EXD2: variants seen among roughly 807,000 people sequenced by gnomAD.
The protein encoded by EXD2 is exonuclease 3'-5' domain-containing protein 2.
A neutral mutation model predicts 62.5 loss-of-function variants in EXD2; 40 were observed. That is an observed-to-expected ratio of 0.64 (90% CI 0.50 to 0.83). The LOEUF is 0.83. Among genes scored for constraint, EXD2 ranks in the 40% least tolerant of loss-of-function variants. The probability of loss-of-function intolerance (pLI) is 0.00; values close to 1 mark genes in which losing one functional copy is unlikely to be tolerated. For synonymous variants in EXD2, 239 were observed against 291.9 expected (o/e 0.82, Z 1.85); for missense variants, 671 against 761.8 (o/e 0.88, Z 1.40).
chr14:69,218,119 T>C (rs1376512374), intron 3 of EXD2, among the ~76,000 whole-genome samples: 9 of 152,224 alleles, frequency 5.9e-5, no homozygotes, highest in African/African-American at 1.9e-4. Flanking sequence ...CACTGTCTTC[T>C]ACAATGGTTG....
Position 69,228,917 on chromosome 14 carries a change from A to C in EXD2, c.435A>C (p.Gly145=). 1 of 1,614,138 alleles carries C rather than the reference A, an allele frequency of 6.2e-7. No individual in the cohort carries two copies. Among genetic ancestry groups the C allele is most frequent in the African/African-American group, 1.3e-5 (1 of 75,024 alleles). ...LVRLPKLICG[G]KTLPRTLLDI... ...GCCTGCCCAAGCTAATCTGTGGAGG[A>C]AAAACACTACCAAGAACGTTATTGG... Residue 145 remains glycine, a synonymous_variant, in exon 4 of 10, where the codon GGA becomes GGC. Coordinates refer to ENST00000685843, the MANE Select transcript of EXD2 (RefSeq NM_001193360.2).
intron 3 of EXD2, among the ~76,000 whole-genome samples, chr14:69,218,606 C>G (rs1594756398): frequency 6.6e-6 from 1 of 152,254 alleles, no homozygotes. Context: ...CTTGCCCATG[C>G]CTATGTCCTG....
At chr14:69,209,307 C>A in intron 2 of EXD2, 117 bp from the exon 3 acceptor site, 5 of 480,938 alleles carry the variant, frequency 1.0e-5, no homozygotes, top group South Asian at 9.7e-5. Flanking sequence ...AAATTTATAG[C>A]AGTTGTTTTA....
intron 9 of EXD2, among the ~76,000 whole-genome samples, 192 bp downstream of exon 9, chr14:69,238,123 T>G (rs1177368828): frequency 2.6e-5 from 4 of 152,216 alleles, no homozygotes; most frequent in African/African-American, 9.6e-5. Context: ...TTCCTTTCCA[T>G]AGGAAACTTG....
At chr14:69,199,598 A>C (rs1302087896) in intron 1 of EXD2, among the ~76,000 whole-genome samples, 5 of 145,898 alleles carry the variant, frequency 3.4e-5, no homozygotes, top group African/African-American at 5.0e-5. Flanking sequence ...TTCAACTTAA[A>C]ATTTTTTTTT....
chr14:69,198,088 T>G (rs2042267568), intron 1 of EXD2, among the ~76,000 whole-genome samples: 1 of 152,262 alleles, frequency 6.6e-6, no homozygotes, highest in African/African-American at 2.4e-5. Context: ...TTGAATTCTT[T>G]CCTAGACTTG....
intron 1 of EXD2, among the ~76,000 whole-genome samples, chr14:69,194,169 C>T (rs575938037): frequency 6.0e-5 from 9 of 149,256 alleles, no homozygotes; most frequent in South Asian, 4.2e-4. Flanking sequence ...GTCAGAGTCT[C>T]GCTGTGTCGC....
Position 69,229,019 on chromosome 14 carries a change from T to C in EXD2, c.537T>C (p.Tyr179=). 1.2e-6 allele frequency: 2 copies of C among 1,614,252 alleles called. No individual in the cohort carries two copies. The highest frequency in any genetic ancestry group is 1.7e-6 in the Non-Finnish European group (2 of 1,180,046). Residue 179 remains tyrosine, a synonymous_variant, in exon 4 of 10, where the codon TAT becomes TAC. Coordinates refer to ENST00000685843, the MANE Select transcript of EXD2 (RefSeq NM_001193360.2). ...ATGCCAGCAAGCTTCTGCAGGATTA[T>C]GGCCTCGTTGTTAGGGGGTGCCTGG... is the stretch of plus-strand genomic sequence containing the variant. The part of the protein sequence containing the change: ...SEDASKLLQD[Y]GLVVRGCLDL...
chr14:69,231,501 C>G lies in EXD2; in HGVS notation c.717+903C>G, dbSNP rs541796140. ...TATACAGTATTTATATTATTTATAG[C>G]TGAGTCACATAGTAAACTGCAGTTA... is the stretch of plus-strand genomic sequence containing the variant. On this transcript the variant is annotated intron_variant, in intron 5 of 9. Transcript: ENST00000685843. Among the ~76,000 whole-genome samples the G allele has an allele frequency of 5.5e-4, 84 of 152,246 alleles. 1 individual carries two copies. In the South Asian group the frequency reaches 0.017, roughly 32 times the overall value.
chr14:69,224,737 T>C (rs556620826), intron 3 of EXD2, among the ~76,000 whole-genome samples: 39 of 152,210 alleles, frequency 2.6e-4, no homozygotes, highest in African/African-American at 9.1e-4. Flanking sequence ...TCCAAGCATG[T>C]TGGGAGGCCG....
chr14:69,235,750 G>T, intron 6 of EXD2: 1 of 388,782 alleles, frequency 2.6e-6, no homozygotes, highest in Non-Finnish European at 4.7e-6. Flanking sequence ...TTGTTGCTTG[G>T]TTCTTTTTTG....
intron 3 of EXD2, chr14:69,224,224 ACTC>A (rs1163866448): frequency 1.3e-5 from 2 of 152,342 alleles, no homozygotes; most frequent in African/African-American, 4.8e-5. Context: ...CTGGTATCAA[ACTC>A]CTGGACTTAA....
At chr14:69,240,861 C>T in intron 9 of EXD2, 23 bp from the exon 10 acceptor site, 1 of 1,606,468 alleles carries the variant, frequency 6.2e-7, no homozygotes, top group South Asian at 1.1e-5. Context: ...CCCTCAGACA[C>T]TTTGTTTTTC....
chr14:69,239,123 T>TA (rs748291337), intron 9 of EXD2: 13 of 152,272 alleles, frequency 8.5e-5, no homozygotes, highest in Non-Finnish European at 1.3e-4. Flanking sequence ...GAATTGCTGT[T>TA]ACTATGTAAA....
At chr14:69,213,918 CTTACA>C (rs1025301896) in intron 3 of EXD2, 5 of 196 alleles carry the variant, frequency 0.026, no homozygotes, top group African/African-American at 0.18. Context: ...TTTTTCTTTG[CTTACA>C]TTTTTCTTAT....
At chr14:69,237,212 C>T (rs2043824781) in intron 8 of EXD2, among the ~76,000 whole-genome samples, 1 of 152,198 alleles carries the variant, frequency 6.6e-6, no homozygotes, top group Non-Finnish European at 1.5e-5. Context: ...CCTAGGCCTT[C>T]TTGAGAGAGT....
intron 9 of EXD2, among the ~76,000 whole-genome samples, chr14:69,238,786 C>T (rs1281695623): frequency 6.6e-6 from 1 of 152,002 alleles, no homozygotes; most frequent in Non-Finnish European, 1.5e-5. Flanking sequence ...AAGCATGCAC[C>T]ACCACACCCA....
In EXD2 at chr14:69,242,389, G is replaced by C. The variant is rs886582871; in HGVS notation, c.*1289G>C. 1.1e-5 allele frequency: 2 copies of C among 185,980 alleles called. No homozygotes were observed. The highest frequency in any genetic ancestry group is 4.7e-5 in the African/African-American group (2 of 42,796). The allele number at this position is 185,980 out of a possible 1,614,324, so 11.5% of individuals were successfully genotyped here. ...ACTGGATGTAAATGTAAAACTTCGCGACTTTATAAAACTGGCATTCCTAGG... is the reference window on the plus strand; with the variant it reads ...ACTGGATGTAAATGTAAAACTTCGCCACTTTATAAAACTGGCATTCCTAGG... On this transcript the variant is annotated 3_prime_UTR_variant, in exon 10 of 10. Transcript: ENST00000685843.
intron 5 of EXD2, among the ~76,000 whole-genome samples, chr14:69,231,108 C>A (rs1302038772): frequency 2.7e-5 from 4 of 150,724 alleles, no homozygotes; most frequent in Admixed American, 6.6e-5. Context: ...ATATGTTGGG[C>A]ATTTCAGAAA....
Sources: allele counts gnomAD v4.1 joint callset (sites outside exome capture counted in the v4.1 genomes callset), GRCh38; gene constraint gnomAD v4.1.1; transcripts MANE v1.5; gene names NCBI Gene and HGNC (gene_info 2026-07-23, HGNC 2026-07-21).